Variants in TTC39A observed in about 807,000 individuals in gnomAD.
TTC39A encodes tetratricopeptide repeat protein 39A.
A neutral mutation model predicts 82.3 loss-of-function variants in TTC39A; 46 were observed. The ratio of observed to expected loss-of-function variants is 0.56; its 90% CI spans 0.44 to 0.71. The LOEUF is 0.71. Among genes scored for constraint, TTC39A ranks in the 30% least tolerant of loss-of-function variants. TTC39A has a pLI of 0.00. For synonymous variants in TTC39A, 254 were observed against 275.2 expected, an observed-to-expected ratio of 0.92 and a Z score of 0.76; for missense variants, 543 against 712.9, an observed-to-expected ratio of 0.76 and a Z score of 2.71.
At chr1:51,337,461 C>G (rs1031166226) in intron 1 of TTC39A, among the ~76,000 whole-genome samples, 9 of 143,462 alleles carry the variant, frequency 6.3e-5, no homozygotes, top group Non-Finnish European at 1.1e-4. Flanking sequence ...GAGTCTCACT[C>G]TGTCACCCAG....
Position 51,303,210 on chromosome 1 carries a change from T to C in TTC39A, c.655-18A>G. 4.1e-6 allele frequency: 2 copies of C among 486,424 alleles called. No individual in the cohort carries two copies. The highest frequency in any genetic ancestry group is 1.6e-5 in the South Asian group (1 of 61,298). The allele number at this position is 486,424 out of a possible 1,614,324, so 30.1% of individuals were successfully genotyped here. ...CCATAGTCCTGAGGGGATGGGAGGGTGGGTGAGGCTCCCAGAGAGGGCAGG... is the reference window on the plus strand; with the variant it reads ...CCATAGTCCTGAGGGGATGGGAGGGCGGGTGAGGCTCCCAGAGAGGGCAGG... On this transcript the variant is annotated intron_variant, in intron 8 of 17. Coordinates refer to ENST00000680483, the MANE Select transcript of TTC39A (RefSeq NM_001297663.2).
intron 7 of TTC39A, 86 bp from the exon 8 acceptor site, chr1:51,305,232 A>C (rs1644826398): frequency 7.3e-7 from 1 of 1,363,478 alleles, no homozygotes; most frequent in African/African-American, 1.4e-5. Flanking sequence ...GCTCTTTAAC[A>C]GGCTTTACCT....
intron 4 of TTC39A, among the ~76,000 whole-genome samples, chr1:51,311,632 C>G (rs1042251929): frequency 3.3e-5 from 5 of 152,154 alleles, no homozygotes; most frequent in African/African-American, 1.2e-4. Flanking sequence ...CCCCTCACTG[C>G]TTGCGGTCAG....
At chr1:51,302,651 G>A in intron 9 of TTC39A, 78 bp from the exon 10 acceptor site, 1 of 1,453,938 alleles carries the variant, frequency 6.9e-7, no homozygotes, top group East Asian at 2.5e-5. Context: ...CCCAGCAGGG[G>A]CTTCCCAGGG....
At chr1:51,319,678 CTTT>C (rs1309206367) in intron 2 of TTC39A, among the ~76,000 whole-genome samples, 2 of 150,336 alleles carry the variant, frequency 1.3e-5, no homozygotes, top group Non-Finnish European at 3.0e-5. Flanking sequence ...TATAAAATTT[CTTT>C]TTTTTCTTTT....
chr1:51,324,609 C>T (rs796796053), intron 1 of TTC39A, among the ~76,000 whole-genome samples: 5 of 152,254 alleles, frequency 3.3e-5, no homozygotes, highest in African/African-American at 9.6e-5. Flanking sequence ...GCAACCTCCT[C>T]CTCCCAGGTT....
chr1:51,303,935 AAT>A (rs1445004555), intron 8 of TTC39A, among the ~76,000 whole-genome samples: 1 of 152,246 alleles, frequency 6.6e-6, no homozygotes, highest in African/African-American at 2.4e-5. Context: ...GCCTCTAGCC[AAT>A]GTTTTCCAAA....
At chr1:51,331,981 G>A (rs1164124397), upstream of TTC39A, 1 of 235,174 alleles carries the variant, frequency 4.3e-6, no homozygotes, top group Non-Finnish European at 6.9e-6. Flanking sequence ...GAGACCACAA[G>A]CAATACATGT....
intron 2 of TTC39A, among the ~76,000 whole-genome samples, chr1:51,320,047 A>C (rs1031312965): frequency 2.0e-5 from 3 of 152,172 alleles, no homozygotes; most frequent in Non-Finnish European, 4.4e-5. Flanking sequence ...ACAAGAGACA[A>C]GACCTGGAAT....
intron 1 of TTC39A, among the ~76,000 whole-genome samples, chr1:51,322,574 AAATG>A (rs140876899): frequency 0.73 from 109,630 of 149,720 alleles, 41,311 homozygotes; most frequent in East Asian, 0.88. Context: ...TCTGTTAGGT[AAATG>A]AATGAATGAA....
Position 51,288,297 on chromosome 1 carries a change from A to T in TTC39A, c.1611-17T>A. On this transcript the variant is annotated splice_polypyrimidine_tract_variant and intron_variant, in intron 17 of 17. Coordinates refer to ENST00000680483, the MANE Select transcript of TTC39A (RefSeq NM_001297663.2). The surrounding 1 kb of genome is among the most constrained non-coding windows in gnomAD (Gnocchi z 4.8). ...TAGTTTTGCCTGGAATTGAGCAGCG[A>T]ATCAGACACATGAGGCTGCCTGCTC... 6.2e-7 allele frequency: 1 copy of T among 1,613,926 alleles called. No homozygotes were observed. The highest frequency in any genetic ancestry group is 8.5e-7 in the Non-Finnish European group (1 of 1,179,836).
At chr1:51,312,381 C>T (rs1222613266) in intron 3 of TTC39A, among the ~76,000 whole-genome samples, 186 bp from the exon 4 acceptor site, 1 of 152,224 alleles carries the variant, frequency 6.6e-6, no homozygotes, top group Non-Finnish European at 1.5e-5. Flanking sequence ...CTCTGAGGCT[C>T]AGTGCCTTCA....
chr1:51,341,032 G>A (rs184963162), intron 1 of TTC39A, among the ~76,000 whole-genome samples: 165 of 152,248 alleles, frequency 1.1e-3, no homozygotes, highest in Non-Finnish European at 1.7e-3. Flanking sequence ...TTAGCTGGGC[G>A]TGGTGGCGCA....
At chr1:51,289,960 C>T in intron 16 of TTC39A, 45 bp downstream of exon 16, 1 of 1,529,166 alleles carries the variant, frequency 6.5e-7, no homozygotes. Context: ...GAATATTCTA[C>T]CCAGGAGACT....
upstream of TTC39A, among the ~76,000 whole-genome samples, chr1:51,336,342 A>C (rs903137493): frequency 4.6e-5 from 7 of 152,056 alleles, no homozygotes; most frequent in Non-Finnish European, 8.8e-5. Context: ...TTGGCAAGTC[A>C]CTGCCCCACT....
Position 51,296,180 on chromosome 1 carries a change from A to C in TTC39A, c.1054-10T>G. 1 of 1,578,174 alleles carries C rather than the reference A, an allele frequency of 6.3e-7. No homozygotes were observed. The highest frequency in any genetic ancestry group is 8.6e-7 in the Non-Finnish European group (1 of 1,161,822). ...TGTAAATGTAGGTGGCCTGTGCGAG[A>C]CAGAGCAACAGCCAGGTGTGAGCAG... On this transcript the variant is annotated splice_polypyrimidine_tract_variant and intron_variant, in intron 12 of 17. Transcript: ENST00000680483.
intron 1 of TTC39A, among the ~76,000 whole-genome samples, chr1:51,326,568 A>T (rs1557742291): frequency 6.6e-6 from 1 of 152,190 alleles, no homozygotes; most frequent in Non-Finnish European, 1.5e-5. Flanking sequence ...CAACTTATTT[A>T]AATTGATGAC....
Position 51,287,376 on chromosome 1 carries a change from A to C in TTC39A, c.*781T>G, listed in dbSNP as rs910004079. On this transcript the variant is annotated 3_prime_UTR_variant, in exon 18 of 18. Transcript: ENST00000680483. ...AGTGGTTTCAGTTTGGCATACAGCA[A>C]AGATACAGACTGGATTCTGAGAACC... The C allele has an allele frequency of 6.6e-6, 1 of 152,216 alleles. No individual in the cohort carries two copies. The highest frequency in any genetic ancestry group is 1.5e-5 in the Non-Finnish European group (1 of 68,036). 9.4% of individuals were successfully genotyped at this position (152,216 alleles called of 1,614,324 possible).
intron 2 of TTC39A, among the ~76,000 whole-genome samples, chr1:51,316,162 C>A (rs1645274761): frequency 6.6e-6 from 1 of 152,144 alleles, no homozygotes; most frequent in South Asian, 2.1e-4. Flanking sequence ...AGTAATGGAG[C>A]CCCAGCACCC....
Sources: allele counts gnomAD v4.1 joint callset (sites outside exome capture counted in the v4.1 genomes callset), GRCh38; gene constraint gnomAD v4.1.1; non-coding constraint Gnocchi (gnomAD v3.1); transcripts MANE v1.5; gene names NCBI Gene and HGNC (gene_info 2026-07-23, HGNC 2026-07-21).